Variants in ACSF3 observed in about 807,000 individuals in gnomAD.
The protein encoded by ACSF3 is acyl-CoA synthetase family member 3.
Under a neutral mutation model 53.2 loss-of-function variants are expected in ACSF3, and 78 were observed. The ratio of observed to expected loss-of-function variants is 1.47; its 90% CI spans 1.22 to 1.77. The LOEUF is 1.77. ACSF3 is among the 40% of genes most tolerant of loss of function. The probability of loss-of-function intolerance (pLI) is 0.00; values close to 1 mark genes in which losing one functional copy is unlikely to be tolerated. For missense variants in ACSF3, 937 were observed against 771.1 expected, an observed-to-expected ratio of 1.22 and a Z score of -2.55; for synonymous variants, 414 against 333.1, an observed-to-expected ratio of 1.24 and a Z score of -2.65.
At chr16:89,137,424 G>C (rs553928530) in intron 8 of ACSF3, among the ~76,000 whole-genome samples, 1 of 145,534 alleles carries the variant, frequency 6.9e-6, no homozygotes, top group Admixed American at 6.8e-5. Context: ...GAGCTCACGG[G>C]GAAGGATTGA....
intron 6 of ACSF3, among the ~76,000 whole-genome samples, chr16:89,120,365 C>T (rs1464163749): frequency 6.6e-6 from 1 of 152,242 alleles, no homozygotes; most frequent in Non-Finnish European, 1.5e-5. Flanking sequence ...CACAGGTCCC[C>T]TCATCGTGGA....
intron 5 of ACSF3, among the ~76,000 whole-genome samples, chr16:89,112,796 G>T (rs760189650): frequency 6.6e-6 from 1 of 152,192 alleles, no homozygotes; most frequent in African/African-American, 2.4e-5. Context: ...GAGCTGACCC[G>T]CTTGCTCCTG....
chr16:89,141,531 G>T (rs955347147), intron 8 of ACSF3, among the ~76,000 whole-genome samples: 1 of 152,222 alleles, frequency 6.6e-6, no homozygotes, highest in Non-Finnish European at 1.5e-5. Flanking sequence ...GGACCCTGGA[G>T]GGCCCCGGCC....
intron 6 of ACSF3, among the ~76,000 whole-genome samples, chr16:89,115,477 C>G (rs1567705109): frequency 6.6e-6 from 1 of 152,258 alleles, no homozygotes; most frequent in Non-Finnish European, 1.5e-5. Flanking sequence ...ACTGCCTGTG[C>G]TGTGTGCGTC....
At chr16:89,136,261 C>T (rs574257021) in intron 8 of ACSF3, among the ~76,000 whole-genome samples, 11 of 152,264 alleles carry the variant, frequency 7.2e-5, no homozygotes, top group African/African-American at 1.9e-4. Flanking sequence ...ATGTTTCAGC[C>T]GGGGCGGAAT....
At chr16:89,096,083 A>G (rs2151386872) in intron 1 of ACSF3, among the ~76,000 whole-genome samples, 1 of 151,948 alleles carries the variant, frequency 6.6e-6, no homozygotes, top group East Asian at 1.9e-4. Context: ...CTGGAGAGCC[A>G]CTGTTTTCAG....
Position 89,102,811 on chromosome 16 carries a change from CCT to C in ACSF3, c.822+53_822+54del, listed in dbSNP as rs10578141. The C allele has an allele frequency of 0.74, 1,185,884 of 1,604,360 alleles. 443,885 individuals are homozygous for C. The highest frequency in any genetic ancestry group is 0.8 in the Admixed American group (47,891 of 59,642). On this transcript the variant is annotated intron_variant, in intron 4 of 10. Transcript: ENST00000614302. ...GCACCCTCAGACTAGGCGCCTTTCC[CCT>C]GTCGGGGCCAGGGCTCTCAGCCGCG...
intron 7 of ACSF3, among the ~76,000 whole-genome samples, chr16:89,121,249 A>C (rs1016130191): frequency 2.0e-5 from 3 of 152,232 alleles, no homozygotes. Context: ...GGCTAAGCGG[A>C]AGAGATAAAG....
At position 89,141,798 on chromosome 16, in the gene ACSF3, C is replaced by T. The variant is rs924516563; in HGVS notation, c.1367-3469C>T. Among the ~76,000 whole-genome samples, 12 of 152,194 alleles carry T rather than the reference C, an allele frequency of 7.9e-5. No individual in the cohort carries two copies. The East Asian group carries it at 9.7e-4, about 12-fold the overall frequency. On this transcript the variant is annotated intron_variant, in intron 8 of 10. Transcript: ENST00000614302. Reference sequence around the variant, plus strand: ...TGATGCCCAGGGTGGGAAGGACACACGACTGCCACCATGCACTGAGGGCCC... The same window carrying T: ...TGATGCCCAGGGTGGGAAGGACACATGACTGCCACCATGCACTGAGGGCCC...
chr16:89,107,134 C>T (rs961898242), intron 4 of ACSF3, among the ~76,000 whole-genome samples: 5 of 152,182 alleles, frequency 3.3e-5, no homozygotes, highest in Non-Finnish European at 5.9e-5. Flanking sequence ...GCTAGTTAGT[C>T]AAATGTTATG....
chr16:89,103,060 T>G (rs1167135498), intron 4 of ACSF3, among the ~76,000 whole-genome samples: 1 of 152,222 alleles, frequency 6.6e-6, no homozygotes, highest in African/African-American at 2.4e-5. Flanking sequence ...AGGTTAACAA[T>G]AACAGAACAG....
At chr16:89,140,390 C>T (rs894994349) in intron 8 of ACSF3, among the ~76,000 whole-genome samples, 1 of 152,238 alleles carries the variant, frequency 6.6e-6, no homozygotes, top group African/African-American at 2.4e-5. Flanking sequence ...GCACCTGTTC[C>T]AGGCTTGGAG....
chr16:89,135,533 C>T (rs1040126674), intron 8 of ACSF3, among the ~76,000 whole-genome samples: 3 of 152,262 alleles, frequency 2.0e-5, no homozygotes, highest in Non-Finnish European at 4.4e-5. Flanking sequence ...GGACCCAGGG[C>T]TGGGGCCCTA....
rs2151406106 is a variant in ACSF3, at chr16:89,100,918, C to T, written c.237C>T (p.Ser79=). ...RELYSRSLRL[S]QEICRLCGCV... ...TTTATTCCCGCAGCCTTCGCCTGTC[C>T]CAGGAGATCTGCAGGCTCTGCGGGT... is the stretch of plus-strand genomic sequence containing the variant. Residue 79 remains serine, a synonymous_variant, in exon 3 of 11, where the codon TCC becomes TCT. Transcript: ENST00000614302. 6.2e-7 allele frequency: 1 copy of T among 1,613,880 alleles called. No homozygotes were observed. Among genetic ancestry groups the T allele is most frequent in the East Asian group, 2.2e-5 (1 of 44,882 alleles).
intron 10 of ACSF3, chr16:89,150,920 A>G (rs565098277): frequency 2.6e-6 from 3 of 1,149,518 alleles, no homozygotes; most frequent in Non-Finnish European, 3.4e-6. Context: ...AGTAAGTTAG[A>G]GGATTAATCC....
intron 4 of ACSF3, 80 bp from the exon 5 acceptor site, chr16:89,112,012 C>G: frequency 6.8e-7 from 1 of 1,474,178 alleles, no homozygotes; most frequent in Non-Finnish European, 9.5e-7. Flanking sequence ...CATGAGAACG[C>G]TGTGCCTGGA....
chr16:89,097,181 C>T (rs746779136), intron 1 of ACSF3, among the ~76,000 whole-genome samples: 6 of 152,104 alleles, frequency 3.9e-5, no homozygotes, highest in African/African-American at 9.7e-5. Context: ...GTGTGCTCAG[C>T]GTGTGGTTAC....
At chr16:89,135,444 A>T (rs1235947193) in intron 8 of ACSF3, among the ~76,000 whole-genome samples, 2 of 152,228 alleles carry the variant, frequency 1.3e-5, no homozygotes, top group Non-Finnish European at 2.9e-5. Context: ...CCTAGAGCAG[A>T]GGCCAGTGCC....
chr16:89,154,297 C>T lies in ACSF3; in HGVS notation c.*90C>T, dbSNP rs1597282612. On this transcript the variant is annotated 3_prime_UTR_variant, in exon 11 of 11. Coordinates refer to ENST00000614302, the MANE Select transcript of ACSF3 (RefSeq NM_001243279.3). The stretch of plus-strand genomic sequence containing the variant: ...CGGGGGCCCGTCCAAGACCTGGCCT[C>T]CCTTAAACCTGAACCCCCCAAATCA... 1 of 1,229,292 alleles carries T rather than the reference C, an allele frequency of 8.1e-7. No individual in the cohort carries two copies. The highest frequency in any genetic ancestry group is 1.2e-6 in the Non-Finnish European group (1 of 850,042). The allele number at this position is 1,229,292 out of a possible 1,614,324, so 76.1% of individuals were successfully genotyped here.
Sources: allele counts gnomAD v4.1 joint callset (sites outside exome capture counted in the v4.1 genomes callset), GRCh38; gene constraint gnomAD v4.1.1; transcripts MANE v1.5; gene names NCBI Gene and HGNC (gene_info 2026-07-23, HGNC 2026-07-21).